PAPPA: variants seen among roughly 807,000 people sequenced by gnomAD.
PAPPA encodes the protein pappalysin-1.
A neutral mutation model predicts 164.0 loss-of-function variants in PAPPA; 60 were observed. The observed-to-expected ratio is 0.37, with a 90% confidence interval of 0.30 to 0.45. The LOEUF (loss-of-function observed/expected upper bound fraction) is 0.45, where lower values mean the gene tolerates loss of function less well. Among genes scored for constraint, PAPPA ranks in the 20% least tolerant of loss-of-function variants. PAPPA has a pLI of 1.00. For missense variants in PAPPA, 1,782 were observed against 2,087.3 expected (o/e 0.85, Z 2.85); for synonymous variants, 875 against 814.1 (o/e 1.07, Z -1.27).
At chr9:116,185,741 A>G (rs901332767) in intron 1 of PAPPA, among the ~76,000 whole-genome samples, 1 of 152,224 alleles carries the variant, frequency 6.6e-6, no homozygotes, top group Non-Finnish European at 1.5e-5. Flanking sequence ...GTTGGTGAGC[A>G]TAAAGATAAT....
chr9:116,345,770 T>G (rs540272943), intron 14 of PAPPA, among the ~76,000 whole-genome samples: 11 of 152,258 alleles, frequency 7.2e-5, no homozygotes, highest in Non-Finnish European at 1.6e-4. Context: ...AGATTGGTGG[T>G]AGTGAATGAT....
chr9:116,367,454 A>G (rs1371650675), intron 18 of PAPPA, among the ~76,000 whole-genome samples, 191 bp from the exon 19 acceptor site: 1 of 152,126 alleles, frequency 6.6e-6, no homozygotes, highest in South Asian at 2.1e-4. Context: ...GTCAGATGGG[A>G]GGCATGTGAA....
At chr9:116,320,688 C>T (rs111861008) in intron 10 of PAPPA, among the ~76,000 whole-genome samples, 1,571 of 151,968 alleles carry the variant, frequency 0.01, 28 homozygotes, top group African/African-American at 0.036. Flanking sequence ...AAGCCTGGCT[C>T]CCCCCTCTCT....
chr9:116,181,676 C>T (rs1843906790), intron 1 of PAPPA, among the ~76,000 whole-genome samples: 1 of 152,272 alleles, frequency 6.6e-6, no homozygotes, highest in South Asian at 2.1e-4. Flanking sequence ...AAATCAGTAT[C>T]GACATTGGAA....
chr9:116,376,171 C>A (rs1846648894), intron 19 of PAPPA, among the ~76,000 whole-genome samples: 1 of 152,058 alleles, frequency 6.6e-6, no homozygotes, highest in African/African-American at 2.4e-5. Context: ...CAGGCATATG[C>A]CACCACACCC....
At chr9:116,345,831 C>T (rs905530143) in intron 14 of PAPPA, among the ~76,000 whole-genome samples, 2 of 152,078 alleles carry the variant, frequency 1.3e-5, no homozygotes, top group Admixed American at 1.3e-4. Context: ...CTGTAATGTC[C>T]CAGGTGGGGC....
chr9:116,264,099 G>A (rs375956003), intron 7 of PAPPA, among the ~76,000 whole-genome samples: 1 of 152,044 alleles, frequency 6.6e-6, no homozygotes, highest in Non-Finnish European at 1.5e-5. Context: ...CATAATACAA[G>A]GCATGTCATA....
intron 16 of PAPPA, 96 bp downstream of exon 16, chr9:116,353,012 AGGT>A: frequency 1.2e-6 from 1 of 853,380 alleles, no homozygotes; most frequent in Non-Finnish European, 2.0e-6. Flanking sequence ...TCTTCACTGG[AGGT>A]AATGACTGCC....
intron 10 of PAPPA, among the ~76,000 whole-genome samples, chr9:116,303,559 G>C (rs1845607277): frequency 6.6e-6 from 1 of 152,120 alleles, no homozygotes; most frequent in African/African-American, 2.4e-5. Context: ...GTGCTTGTAT[G>C]ATTCTAGAGA....
intron 1 of PAPPA, among the ~76,000 whole-genome samples, chr9:116,157,563 T>TC (rs1399591123): frequency 6.6e-6 from 1 of 152,040 alleles, no homozygotes; most frequent in Non-Finnish European, 1.5e-5. Flanking sequence ...CAAGCCAGTT[T>TC]CCCTTTTGGC....
At chr9:116,346,533 C>T (rs1846211907) in intron 14 of PAPPA, among the ~76,000 whole-genome samples, 2 of 152,180 alleles carry the variant, frequency 1.3e-5, no homozygotes, top group Admixed American at 1.3e-4. Flanking sequence ...AGAGTGCCTA[C>T]TGTGTGCCAA....
chr9:116,200,598 A>T, intron 2 of PAPPA, among the ~76,000 whole-genome samples: 1 of 152,174 alleles, frequency 6.6e-6, no homozygotes, highest in East Asian at 1.9e-4. Flanking sequence ...ACTTTCCCAA[A>T]TGGTAGTGTT....
chr9:116,170,624 C>T lies in PAPPA; in HGVS notation c.415+16037C>T, dbSNP rs73654624. Among the ~76,000 whole-genome samples, 618 of 144,444 alleles carry T rather than the reference C, an allele frequency of 4.3e-3. 7 individuals carry two copies. Among genetic ancestry groups the T allele is most frequent in the African/African-American group, 0.014 (548 of 39,678 alleles). 94.8% of individuals were successfully genotyped at this position (144,444 alleles called of 152,430 possible). A position where few individuals can be genotyped will look rare whatever the true frequency, so the allele number is the denominator to read the frequency against. ...TCCTTCCTCCCTACCCCCTTATCTC[C>T]CCCCACTCCCTCCCTCTCTTCCTTC... On this transcript the variant is annotated intron_variant, in intron 1 of 21. Coordinates refer to ENST00000328252, the MANE Select transcript of PAPPA (RefSeq NM_002581.5).
chr9:116,343,317 G>GCAATCTGTT (rs1045306410), intron 13 of PAPPA, among the ~76,000 whole-genome samples: 5 of 152,312 alleles, frequency 3.3e-5, no homozygotes, highest in African/African-American at 1.2e-4. Context: ...AGATTAGCCT[G>GCAATCTGTT]CAATCTGTTA....
chr9:116,267,569 A>C (rs1458540243), intron 8 of PAPPA, among the ~76,000 whole-genome samples: 1 of 152,186 alleles, frequency 6.6e-6, no homozygotes, highest in East Asian at 1.9e-4. Flanking sequence ...ATACCAACTC[A>C]AGTTTTTAAA....
intron 1 of PAPPA, among the ~76,000 whole-genome samples, chr9:116,183,701 G>A (rs1044759878): frequency 1.3e-5 from 2 of 152,278 alleles, no homozygotes; most frequent in Admixed American, 6.5e-5. Context: ...GCTGCTTCAA[G>A]GTTCTCATTT....
chr9:116,179,539 C>T (rs1215232501), intron 1 of PAPPA, among the ~76,000 whole-genome samples: 2 of 152,182 alleles, frequency 1.3e-5, no homozygotes, highest in African/African-American at 2.4e-5. Flanking sequence ...CCCTTTAAGC[C>T]TCCTCCTTCC....
At chr9:116,357,181 A>G (rs969471631) in intron 17 of PAPPA, among the ~76,000 whole-genome samples, 2 of 152,248 alleles carry the variant, frequency 1.3e-5, no homozygotes, top group African/African-American at 4.8e-5. Flanking sequence ...GATGACCACT[A>G]GCTGAATGTA....
In PAPPA at chr9:116,154,217, C is replaced by T; in HGVS notation, c.45C>T (p.Ala15=). Residue 15 remains alanine (A), a synonymous_variant, in exon 1 of 22, where the codon GCC becomes GCT. Coordinates refer to ENST00000328252, the MANE Select transcript of PAPPA (RefSeq NM_002581.5). This position sits in a 1 kb window ranked among gnomAD's most constrained non-coding sequence, Gnocchi z 5.2. ...SWVLHLGLLS[A]ALGCGLAERP... ...TGCTGCACCTGGGGCTGCTGAGCGC[C>T]GCGCTGGGCTGCGGGCTGGCCGAGC... is the stretch of plus-strand genomic sequence containing the variant. 3 of 1,466,338 alleles carry T rather than the reference C, an allele frequency of 2.0e-6. No individual in the cohort carries two copies. The highest frequency in any genetic ancestry group is 9.0e-7 in the Non-Finnish European group (1 of 1,107,914). 90.8% of individuals were successfully genotyped at this position (1,466,338 alleles called of 1,614,324 possible). A position where few individuals can be genotyped will look rare whatever the true frequency, so the allele number is the denominator to read the frequency against.
Sources: gnomAD v4.1 joint callset for allele counts (sites outside exome capture counted in the v4.1 genomes callset) on GRCh38, gnomAD v4.1.1 for gene constraint, Gnocchi (gnomAD v3.1) non-coding constraint, MANE v1.5 for transcripts, NCBI Gene and HGNC (gene_info 2026-07-23, HGNC 2026-07-21) for gene names.